Variants in DENND2C observed in about 807,000 individuals in gnomAD.
DENND2C encodes the protein DENN domain-containing protein 2C.
Under a neutral mutation model 112.4 loss-of-function variants are expected in DENND2C, and 72 were observed. That is an observed-to-expected ratio of 0.64 (90% CI 0.53 to 0.78). The LOEUF (loss-of-function observed/expected upper bound fraction) is 0.78. Among genes scored for constraint, DENND2C ranks in the 30% least tolerant of loss-of-function variants. The probability of loss-of-function intolerance (pLI) is 0.00; values close to 1 mark genes in which losing one functional copy is unlikely to be tolerated. For synonymous variants in DENND2C, 329 were observed against 381.6 expected, an observed-to-expected ratio of 0.86 and a Z score of 1.61; for missense variants, 992 against 1,113.8, an observed-to-expected ratio of 0.89 and a Z score of 1.56.
chr1:114,618,543 G>A, intron 7 of DENND2C, 61 bp from the exon 8 acceptor site: 3 of 991,834 alleles, frequency 3.0e-6, no homozygotes, highest in Non-Finnish European at 4.4e-6. Context: ...ACAGTTTGAT[G>A]ACATTAATCT....
At chr1:114,668,865 T>C (rs1461272764) in intron 1 of DENND2C, among the ~76,000 whole-genome samples, 2 of 152,194 alleles carry the variant, frequency 1.3e-5, no homozygotes, top group Non-Finnish European at 2.9e-5. Flanking sequence ...TGGAACAATA[T>C]TCCCAGCTTA....
chr1:114,602,929 A>G (rs576914321), intron 11 of DENND2C, among the ~76,000 whole-genome samples: 1 of 152,300 alleles, frequency 6.6e-6, no homozygotes, highest in South Asian at 2.1e-4. Context: ...GACTTTTGAT[A>G]CGTTATTTCT....
intron 20 of DENND2C, 65 bp downstream of exon 20, chr1:114,587,322 C>T (rs1570749525): frequency 1.2e-5 from 19 of 1,564,424 alleles, no homozygotes; most frequent in Middle Eastern, 1.7e-4. Context: ...GCTGGAATTA[C>T]AGGCATGAGC....
chr1:114,618,311 A>G, intron 8 of DENND2C, 75 bp downstream of exon 8: 1 of 1,127,486 alleles, frequency 8.9e-7, no homozygotes, highest in South Asian at 1.8e-5. Flanking sequence ...TACACATCAA[A>G]CATTAAGTTA....
chr1:114,668,973 T>C (rs932761261), intron 1 of DENND2C, among the ~76,000 whole-genome samples: 2 of 152,230 alleles, frequency 1.3e-5, no homozygotes, highest in Non-Finnish European at 1.5e-5. Context: ...AGCAACAGTG[T>C]ATAGATAACA....
At chr1:114,662,126 C>T (rs1478660173) in intron 1 of DENND2C, among the ~76,000 whole-genome samples, 1 of 152,138 alleles carries the variant, frequency 6.6e-6, no homozygotes, top group African/African-American at 2.4e-5. Flanking sequence ...TGTTGTGGAG[C>T]AGCCTATGTC....
chr1:114,621,265 A>T (rs1296106692), intron 7 of DENND2C, among the ~76,000 whole-genome samples: 1 of 152,166 alleles, frequency 6.6e-6, no homozygotes, highest in Non-Finnish European at 1.5e-5. Context: ...TCTACAAAAT[A>T]AGTAAATAAA....
In DENND2C at chr1:114,667,509, T is replaced by A. The variant is rs537146357; in HGVS notation, c.-574+2474A>T. Among the ~76,000 whole-genome samples, 6 of 152,256 alleles carry A rather than the reference T, an allele frequency of 3.9e-5. No individual in the cohort carries two copies. The South Asian group carries it at 1.2e-3, about 32-fold the overall frequency. ...TATTGTTAAGATAATGCCATAACTG[T>A]TGTTACTGAGGGACTGAGAGCTTAG... On this transcript the variant is annotated intron_variant, in intron 1 of 20. Coordinates refer to ENST00000393274, the MANE Select transcript of DENND2C (RefSeq NM_001256404.2).
chr1:114,638,762 C>CAAAAAAAA (rs35740017), intron 3 of DENND2C, among the ~76,000 whole-genome samples: 1 of 84,160 alleles, frequency 1.2e-5, no homozygotes, highest in Non-Finnish European at 2.3e-5. Flanking sequence ...GACCTTGTCT[C>CAAAAAAAA]AAAAAAAAAA....
chr1:114,634,977 G>A (rs532042275), intron 3 of DENND2C, among the ~76,000 whole-genome samples: 18 of 145,106 alleles, frequency 1.2e-4, no homozygotes, highest in African/African-American at 4.3e-4. Flanking sequence ...GCAGTGAGCC[G>A]AGATCATGCC....
chr1:114,625,086 G>C (rs1428448274), intron 4 of DENND2C, 93 bp downstream of exon 4: 5 of 1,297,662 alleles, frequency 3.9e-6, no homozygotes, highest in Non-Finnish European at 5.2e-6. Context: ...CACCTAAGCT[G>C]GGAAATGGAA....
At chr1:114,601,714 G>A in intron 12 of DENND2C, 129 bp from the exon 13 acceptor site, 1 of 757,456 alleles carries the variant, frequency 1.3e-6, no homozygotes, top group Non-Finnish European at 2.1e-6. Context: ...CATCTTTAGT[G>A]AACACTGAAA....
At chr1:114,593,139 C>G (rs1390070063) in intron 18 of DENND2C, among the ~76,000 whole-genome samples, 1 of 152,064 alleles carries the variant, frequency 6.6e-6, no homozygotes, top group African/African-American at 2.4e-5. Context: ...GCCCACACTC[C>G]TGGCAGTTTA....
Position 114,615,377 on chromosome 1 carries a change from G to A in DENND2C, c.1324+3009C>T, listed in dbSNP as rs981099310. 2.6e-5 allele frequency among the ~76,000 whole-genome samples: 4 copies of A among 152,262 alleles called. No homozygotes were observed. The South Asian group carries it at 8.3e-4, about 31-fold the overall frequency. On this transcript the variant is annotated intron_variant, in intron 8 of 20. Transcript: ENST00000393274. ...ATCAAGATTTATGAGAAAGTTAACCGTTGATGATAGAAAAAGATAAGCTAT... is the reference window on the plus strand; with the variant it reads ...ATCAAGATTTATGAGAAAGTTAACCATTGATGATAGAAAAAGATAAGCTAT...
intron 1 of DENND2C, among the ~76,000 whole-genome samples, chr1:114,664,155 G>C (rs929419023): frequency 2.0e-5 from 3 of 152,042 alleles, no homozygotes; most frequent in African/African-American, 7.2e-5. Flanking sequence ...GCTCAGGCTG[G>C]TCTAGAACTC....
At chr1:114,647,029 G>A (rs1657009086) in intron 2 of DENND2C, among the ~76,000 whole-genome samples, 1 of 151,992 alleles carries the variant, frequency 6.6e-6, no homozygotes, top group South Asian at 2.1e-4. Flanking sequence ...ACGTGGTGGT[G>A]CATGCCTGTA....
intron 1 of DENND2C, among the ~76,000 whole-genome samples, chr1:114,663,021 T>C (rs1256974630): frequency 1.3e-5 from 2 of 152,034 alleles, no homozygotes; most frequent in African/African-American, 4.8e-5. Context: ...AATGGGTAAA[T>C]ACCTGGAATA....
intron 1 of DENND2C, among the ~76,000 whole-genome samples, chr1:114,668,455 T>A (rs951785168): frequency 6.6e-6 from 1 of 151,966 alleles, no homozygotes; most frequent in Non-Finnish European, 1.5e-5. Flanking sequence ...AAACTGCTTA[T>A]TGTCATTAAG....
chr1:114,622,357 C>T (rs529086070), intron 6 of DENND2C, among the ~76,000 whole-genome samples: 3 of 152,134 alleles, frequency 2.0e-5, no homozygotes, highest in Admixed American at 2.0e-4. Context: ...CTCAAGCAAT[C>T]CTCCCACCTC....
Sources: gnomAD v4.1 joint callset for allele counts (sites outside exome capture counted in the v4.1 genomes callset) on GRCh38, gnomAD v4.1.1 for gene constraint, MANE v1.5 for transcripts, NCBI Gene and HGNC (gene_info 2026-07-23, HGNC 2026-07-21) for gene names.